RSF1: variants seen among roughly 807,000 people sequenced by gnomAD.
RSF1 encodes the protein remodeling and spacing factor 1.
In RSF1, 13 loss-of-function variants were observed where a neutral mutation model predicts 145.2. The ratio of observed to expected loss-of-function variants is 0.09; its 90% CI spans 0.06 to 0.14. The LOEUF (loss-of-function observed/expected upper bound fraction) is 0.14, where lower values mean the gene tolerates loss of function less well. Among genes scored for constraint, RSF1 ranks in the 10% least tolerant of loss-of-function variants. RSF1 has a pLI of 1.00. For missense variants in RSF1, 1,517 were observed against 1,718.2 expected, an observed-to-expected ratio of 0.88 and a Z score of 2.07; for synonymous variants, 577 against 592.6, an observed-to-expected ratio of 0.97 and a Z score of 0.38.
upstream of RSF1, among the ~76,000 whole-genome samples, chr11:77,823,936 A>G (rs1288104112): frequency 1.3e-5 from 2 of 151,558 alleles, no homozygotes; most frequent in Admixed American, 6.6e-5. Flanking sequence ...AAAAAGCTTT[A>G]TTACTATAGT....
chr11:77,690,501 T>TGCA (rs1262463201), intron 9 of RSF1, among the ~76,000 whole-genome samples: 8 of 152,328 alleles, frequency 5.3e-5, no homozygotes, highest in African/African-American at 1.9e-4. Flanking sequence ...TTGCCCAGGC[T>TGCA]GCAGTGCAGT....
At chr11:77,761,861 C>T (rs1171509092) in intron 2 of RSF1, among the ~76,000 whole-genome samples, 9 of 120,922 alleles carry the variant, frequency 7.4e-5, no homozygotes, top group Non-Finnish European at 1.1e-4. Context: ...GACAGGGTCT[C>T]ACTCTGTCGC....
chr11:77,709,048 AG>A (rs1960618047), intron 5 of RSF1, among the ~76,000 whole-genome samples: 1 of 152,228 alleles, frequency 6.6e-6, no homozygotes, highest in African/African-American at 2.4e-5. Flanking sequence ...AACCCTGGTC[AG>A]TCAATCTTTG....
intron 11 of RSF1, among the ~76,000 whole-genome samples, chr11:77,682,247 T>C (rs1178620543): frequency 6.6e-6 from 1 of 152,174 alleles, no homozygotes; most frequent in Admixed American, 6.5e-5. Flanking sequence ...ACACTAACAA[T>C]AGAAGCAAAT....
At chr11:77,699,962 C>T (rs879400751) in intron 6 of RSF1, among the ~76,000 whole-genome samples, 1 of 152,114 alleles carries the variant, frequency 6.6e-6, no homozygotes, top group Admixed American at 6.5e-5. Flanking sequence ...AGTTCAGAGA[C>T]ACTTTAAGTG....
chr11:77,774,119 TG>T (rs1419582584), intron 1 of RSF1, among the ~76,000 whole-genome samples: 3 of 152,218 alleles, frequency 2.0e-5, no homozygotes, highest in Non-Finnish European at 4.4e-5. Flanking sequence ...CACCCTTAGA[TG>T]TAAGCTCCAT....
Position 77,702,536 on chromosome 11 carries a change from T to C in RSF1, c.734-41A>G, listed in dbSNP as rs201543441. On this transcript the variant is annotated intron_variant, in intron 5 of 15. Transcript: ENST00000308488. ...AGCTTAATTACATGAATAGAAACTT[T>C]CAAGGCTATAAAATATAAGACTTAG... 25 of 1,344,292 alleles carry C rather than the reference T, an allele frequency of 1.9e-5. 1 individual carries two copies. In the Admixed American group the frequency reaches 6.0e-4, roughly 32 times the overall value. 83.3% of individuals were successfully genotyped at this position (1,344,292 alleles called of 1,614,324 possible).
chr11:77,752,587 T>C (rs1948074824), intron 2 of RSF1, among the ~76,000 whole-genome samples: 1 of 152,150 alleles, frequency 6.6e-6, no homozygotes, highest in African/African-American at 2.4e-5. Context: ...CTATTCTCTC[T>C]TTTGCCTATT....
chr11:77,727,100 A>C (rs994799291), intron 4 of RSF1, among the ~76,000 whole-genome samples: 8 of 152,232 alleles, frequency 5.3e-5, no homozygotes, highest in Non-Finnish European at 1.0e-4. Context: ...TTAATTATCT[A>C]ATATCAAAAG....
intron 11 of RSF1, among the ~76,000 whole-genome samples, chr11:77,679,752 G>C (rs1489939634): frequency 6.6e-6 from 1 of 151,780 alleles, no homozygotes; most frequent in Non-Finnish European, 1.5e-5. Context: ...TATTATAACT[G>C]AAATTCATAC....
At chr11:77,828,505 A>T in the RSF1 span, among the ~76,000 whole-genome samples, 5 of 151,762 alleles carry the variant, frequency 3.3e-5, no homozygotes, top group Admixed American at 3.3e-4. Context: ...ATCTCTACTA[A>T]AAATACAAAA....
At chr11:77,724,638 A>G (rs1475656366) in intron 5 of RSF1, among the ~76,000 whole-genome samples, 2 of 152,146 alleles carry the variant, frequency 1.3e-5, no homozygotes, top group African/African-American at 4.8e-5. Context: ...CAATTTTTCT[A>G]TAGGAGGTGG....
chr11:77,821,242 G>C (rs1948882898), upstream of RSF1: 1 of 248,652 alleles, frequency 4.0e-6, no homozygotes, highest in Non-Finnish European at 7.7e-6. Flanking sequence ...AGTGCGGTGG[G>C]TGAGTTTGCG....
intron 1 of RSF1, among the ~76,000 whole-genome samples, chr11:77,780,507 CTAAGA>C (rs995860379): frequency 2.0e-5 from 3 of 151,936 alleles, no homozygotes; most frequent in Admixed American, 2.0e-4. Flanking sequence ...GGCAGGCTAC[CTAAGA>C]TAATAAAAAA....
At chr11:77,759,666 G>A (rs1334517865) in intron 2 of RSF1, among the ~76,000 whole-genome samples, 9 of 152,028 alleles carry the variant, frequency 5.9e-5, no homozygotes, top group Admixed American at 2.0e-4. Context: ...CCAGCCTGGC[G>A]AAAAAGCAAG....
chr11:77,830,453 G>C, the RSF1 span, among the ~76,000 whole-genome samples: 1 of 151,922 alleles, frequency 6.6e-6, no homozygotes, highest in Non-Finnish European at 1.5e-5. Context: ...CAAACCTGCC[G>C]TGAATCAAAC....
Position 77,666,231 on chromosome 11 carries a change from C to G in RSF1, c.*686G>C, listed in dbSNP as rs529480767. ...CATTATACATTTTACTGTACAAATG[C>G]TTTTCAGATGATTTTATTTTTTTTT... is the stretch of plus-strand genomic sequence containing the variant. On this transcript the variant is annotated 3_prime_UTR_variant, in exon 16 of 16. Transcript: ENST00000308488. The G allele has an allele frequency of 4.6e-5, 7 of 152,354 alleles. No homozygotes were observed. Among genetic ancestry groups the G allele is most frequent in the African/African-American group, 1.7e-4 (7 of 41,556 alleles). The allele number at this position is 152,354 out of a possible 1,614,324, so 9.4% of individuals were successfully genotyped here.
intron 5 of RSF1, among the ~76,000 whole-genome samples, chr11:77,707,833 T>G (rs1189631410): frequency 3.9e-5 from 6 of 152,202 alleles, no homozygotes; most frequent in Non-Finnish European, 7.3e-5. Flanking sequence ...TCATGTAGCA[T>G]GCTAAGTGCA....
chr11:77,837,787 T>C, the RSF1 span, among the ~76,000 whole-genome samples: 1 of 152,086 alleles, frequency 6.6e-6, no homozygotes, highest in African/African-American at 2.4e-5. Flanking sequence ...CTGGGCACAG[T>C]GGCTCATGCC....
Sources: gnomAD v4.1 joint callset for allele counts (sites outside exome capture counted in the v4.1 genomes callset) on GRCh38, gnomAD v4.1.1 for gene constraint, MANE v1.5 for transcripts, NCBI Gene and HGNC (gene_info 2026-07-23, HGNC 2026-07-21) for gene names.